The following TYW1 variants were observed in gnomAD, a reference collection of about 807,000 sequenced individuals.
TYW1 encodes tRNA-yW synthesizing protein 1 homolog.
In TYW1, 46 loss-of-function variants were observed where a neutral mutation model predicts 96.2. That is an observed-to-expected ratio of 0.48 (90% CI 0.38 to 0.61). TYW1 has a LOEUF of 0.61. Among genes scored for constraint, TYW1 ranks in the 20% least tolerant of loss-of-function variants. The pLI, the probability that TYW1 is intolerant of heterozygous loss-of-function variation, is 0.00. For missense variants in TYW1, 684 were observed against 909.6 expected (o/e 0.75, Z 3.19); for synonymous variants, 274 against 323.0 (o/e 0.85, Z 1.63).
Position 67,195,232 on chromosome 7 carries a change from T to G in TYW1, c.1872T>G (p.His624Gln). ...TTACCATGGCCCACGTGCCCTGGCA[T>G]GAGGAAGTGGTACAGTTTGTCCACG... ...SSLTMAHVPW[H>Q]EEVVQFVHEL... The change falls in exon 15 of 16, where the codon CAT becomes CAG. Residue 624 changes from histidine to glutamine, a missense_variant. Physicochemically the swap from His to Gln is conservative, Grantham distance 24 (BLOSUM62 0). Coordinates refer to ENST00000359626, the MANE Select transcript of TYW1 (RefSeq NM_018264.4). 1 of 1,613,662 alleles carries G rather than the reference T, an allele frequency of 6.2e-7. No homozygotes were observed. The highest frequency in any genetic ancestry group is 8.5e-7 in the Non-Finnish European group (1 of 1,179,952).
intron 10 of TYW1, among the ~76,000 whole-genome samples, chr7:67,081,239 T>C (rs1261580797): frequency 5.7e-5 from 8 of 141,524 alleles, no homozygotes; most frequent in East Asian, 4.0e-4. Context: ...TTTTTTTTTT[T>C]CCAGCCCTTA....
chr7:67,195,924 A>G (rs1434832640), intron 15 of TYW1, among the ~76,000 whole-genome samples: 1 of 151,234 alleles, frequency 6.6e-6, no homozygotes, highest in Non-Finnish European at 1.5e-5. Flanking sequence ...TAGTTTGCTA[A>G]TTTTCTGGAG....
In TYW1 at chr7:67,129,311, C is replaced by T. The variant is rs561778082; in HGVS notation, c.1698+11693C>T. On this transcript the variant is annotated intron_variant, in intron 13 of 15. Coordinates refer to ENST00000359626, the MANE Select transcript of TYW1 (RefSeq NM_018264.4). ...TACCGGAAGCACAAGGGATTTCCCC[C>T]TGTATACTTACTGTGAGAATCTGGC... is the stretch of plus-strand genomic sequence containing the variant. Among the ~76,000 whole-genome samples, 4 of 152,304 alleles carry T rather than the reference C, an allele frequency of 2.6e-5. No homozygotes were observed. In the East Asian group the frequency reaches 7.7e-4, roughly 29 times the overall value.
At chr7:67,036,040 CTTTTTTT>C (rs34975904) in intron 7 of TYW1, among the ~76,000 whole-genome samples, 2 of 135,418 alleles carry the variant, frequency 1.5e-5, no homozygotes, top group Non-Finnish European at 3.3e-5. Context: ...TTGATATTTC[CTTTTTTT>C]TTTTTTTTTG....
chr7:67,042,724 C>G (rs906687440), intron 7 of TYW1, among the ~76,000 whole-genome samples: 2 of 152,102 alleles, frequency 1.3e-5, no homozygotes, highest in African/African-American at 4.8e-5. Flanking sequence ...AGGCCGGGTG[C>G]AGTGGCTTAT....
intron 13 of TYW1, among the ~76,000 whole-genome samples, chr7:67,134,411 C>A (rs1475887092): frequency 7.3e-6 from 1 of 137,918 alleles, no homozygotes; most frequent in East Asian, 2.0e-4. Flanking sequence ...GGCATGGTGG[C>A]AGGCGCCTGT....
At chr7:67,180,899 C>T (rs1456153423) in intron 13 of TYW1, among the ~76,000 whole-genome samples, 1 of 152,178 alleles carries the variant, frequency 6.6e-6, no homozygotes, top group Non-Finnish European at 1.5e-5. Flanking sequence ...CCACCTCGGC[C>T]TCCCAAAGTG....
At chr7:67,217,623 A>G (rs1801241393) in intron 15 of TYW1, among the ~76,000 whole-genome samples, 1 of 152,118 alleles carries the variant, frequency 6.6e-6, no homozygotes, top group African/African-American at 2.4e-5. Context: ...TCTTTATGCC[A>G]GTATCACACT....
intron 7 of TYW1, among the ~76,000 whole-genome samples, chr7:67,036,143 G>A (rs1794836353): frequency 6.8e-6 from 1 of 147,684 alleles, no homozygotes; most frequent in African/African-American, 2.5e-5. Context: ...AACTTATAAT[G>A]AGTCTAAAAG....
chr7:67,105,700 T>C (rs920688921), intron 12 of TYW1, among the ~76,000 whole-genome samples: 21 of 152,158 alleles, frequency 1.4e-4, no homozygotes, highest in Admixed American at 8.5e-4. Context: ...GATTTTCTTA[T>C]AGCAGAGAAA....
intron 11 of TYW1, among the ~76,000 whole-genome samples, chr7:67,097,685 A>G (rs968249665): frequency 6.6e-5 from 10 of 151,900 alleles, no homozygotes; most frequent in African/African-American, 2.4e-4. Context: ...GGTGTGAGCC[A>G]CTGCGCCCAG....
intron 13 of TYW1, among the ~76,000 whole-genome samples, chr7:67,175,129 G>T (rs1486987911): frequency 1.1e-4 from 17 of 151,556 alleles, no homozygotes; most frequent in Non-Finnish European, 2.2e-4. Flanking sequence ...CTATTCCAGA[G>T]AGGAATAGTA....
intron 4 of TYW1, among the ~76,000 whole-genome samples, chr7:67,013,941 C>T (rs931598635): frequency 4.6e-5 from 7 of 151,862 alleles, no homozygotes; most frequent in African/African-American, 1.7e-4. Context: ...GACGAGGTTT[C>T]ACCGTATTAG....
chr7:67,061,704 A>C (rs968372194), intron 9 of TYW1, among the ~76,000 whole-genome samples: 28 of 152,344 alleles, frequency 1.8e-4, no homozygotes, highest in Non-Finnish European at 1.5e-4. Context: ...ATTTTTATTG[A>C]ATTTATATAA....
chr7:67,017,489 G>A (rs1406312823), intron 5 of TYW1, among the ~76,000 whole-genome samples: 3 of 151,960 alleles, frequency 2.0e-5, no homozygotes, highest in Non-Finnish European at 4.4e-5. Context: ...GGCCCCATAG[G>A]CTTTGTTACA....
At chr7:67,194,603 G>A (rs1229240612) in intron 14 of TYW1, among the ~76,000 whole-genome samples, 5 of 151,082 alleles carry the variant, frequency 3.3e-5, no homozygotes, top group African/African-American at 7.4e-5. Context: ...CAGCCTAGGC[G>A]ACAGAGCAAG....
intron 5 of TYW1, among the ~76,000 whole-genome samples, chr7:67,015,636 A>G (rs1259962019): frequency 6.6e-6 from 1 of 152,190 alleles, no homozygotes; most frequent in Non-Finnish European, 1.5e-5. Flanking sequence ...TACAGGCATG[A>G]ACGTGTCCAG....
At chr7:67,157,355 G>A (rs1187189477) in intron 13 of TYW1, among the ~76,000 whole-genome samples, 2 of 152,028 alleles carry the variant, frequency 1.3e-5, no homozygotes, top group African/African-American at 2.4e-5. Flanking sequence ...GCACAATCTC[G>A]GCTCACTGCA....
intron 11 of TYW1, 42 bp from the exon 12 acceptor site, chr7:67,098,499 C>G (rs371328556): frequency 6.7e-5 from 101 of 1,507,874 alleles, no homozygotes; most frequent in Admixed American, 1.8e-4. Context: ...CATCCTCTAT[C>G]TGTGCCTTAT....
Sources: gnomAD v4.1 joint callset for allele counts (sites outside exome capture counted in the v4.1 genomes callset) on GRCh38, gnomAD v4.1.1 for gene constraint, MANE v1.5 for transcripts, NCBI Gene and HGNC (gene_info 2026-07-23, HGNC 2026-07-21) for gene names.